Variants in SMARCA4 observed in about 807,000 individuals in gnomAD.
The protein encoded by SMARCA4 is SWI/SNF related BAF chromatin remodeling complex subunit ATPase 4.
A neutral mutation model predicts 193.9 loss-of-function variants in SMARCA4; 31 were observed. The observed-to-expected ratio is 0.16, with a 90% confidence interval of 0.12 to 0.22. The LOEUF is 0.22. SMARCA4 is among the 10% of genes least tolerant of loss of function. The pLI is 1.00. For missense variants in SMARCA4, 1,148 were observed against 2,296.0 expected, an observed-to-expected ratio of 0.50 and a Z score of 10.22; for synonymous variants, 942 against 933.1, an observed-to-expected ratio of 1.01 and a Z score of -0.17.
intron 7 of SMARCA4, 149 bp from the exon 8 acceptor site, chr19:10,991,001 C>T (rs2086509496): frequency 1.5e-6 from 2 of 1,321,594 alleles, no homozygotes; most frequent in Non-Finnish European, 2.1e-6. Context: ...GGGGCACCTG[C>T]TAGACGTCCC....
rs747067768 is a variant in SMARCA4, at chr19:10,987,950, G to A, written c.1118+26G>A. 3.7e-6 allele frequency: 6 copies of A among 1,610,566 alleles called. No individual in the cohort carries two copies. The Admixed American group carries it at 8.3e-5, about 22-fold the overall frequency. ...GTGAGGGCGGGGCCCAGTTGCCAAG[G>A]TCACTGCCCTGTGTCCCCCATGTCC... On this transcript the variant is annotated intron_variant, in intron 6 of 34. Coordinates refer to ENST00000344626, the MANE Select transcript of SMARCA4 (RefSeq NM_003072.5). The surrounding 1 kb of genome is among the most constrained non-coding windows in gnomAD (Gnocchi z 5.3).
intron 29 of SMARCA4, among the ~76,000 whole-genome samples, chr19:11,035,696 G>T (rs2075229878): frequency 6.6e-6 from 1 of 152,252 alleles, no homozygotes; most frequent in Non-Finnish European, 1.5e-5. Flanking sequence ...CCCGTTCTCA[G>T]CAGATGGCAG....
At position 10,986,952 on chromosome 19, in the gene SMARCA4, C is replaced by T. The variant is rs1599957743; in HGVS notation, c.808C>T (p.Pro270Ser). 6.2e-7 allele frequency: 1 copy of T among 1,610,906 alleles called. No individual in the cohort carries two copies. The highest frequency in any genetic ancestry group is 8.5e-7 in the Non-Finnish European group (1 of 1,179,914). Reference protein sequence around the residue: ...MPPPGPSGVPPGMPGQPPGGP... With the variant: ...MPPPGPSGVPSGMPGQPPGGP... The stretch of plus-strand genomic sequence containing the variant: ...TCCCCCAGGACCCTCGGGCGTGCCC[C>T]CCGGGATGCCAGGCCAGCCTCCTGG... The change falls in exon 5 of 35, where the codon CCC becomes TCC. Residue 270 changes from proline (P) to serine (S), a missense_variant. By Grantham distance (74) the Pro-to-Ser change is moderately conservative (BLOSUM62 -1). Around this residue, in one of 17 missense-constraint regions of SMARCA4, gnomAD observed 257 missense variants for 276.5 expected, o/e 0.93. Transcript: ENST00000344626. This position sits in a 1 kb window ranked among gnomAD's most constrained non-coding sequence, Gnocchi z 6.7.
intron 1 of SMARCA4, among the ~76,000 whole-genome samples, chr19:10,981,132 A>G (rs1293088355): frequency 6.6e-6 from 1 of 152,248 alleles, no homozygotes; most frequent in Non-Finnish European, 1.5e-5. Flanking sequence ...CACAGGATCT[A>G]TGAAGTATGT....
intron 1 of SMARCA4, among the ~76,000 whole-genome samples, chr19:10,974,666 C>CATGCATAT (rs2084953259): frequency 3.3e-5 from 1 of 30,458 alleles, no homozygotes. Flanking sequence ...GATTAACATG[C>CATGCATAT]ATATATATAT....
Position 10,985,685 on chromosome 19 carries a change from C to T in SMARCA4, c.355+280C>T, listed in dbSNP as rs567108512. Among the ~76,000 whole-genome samples, 14 of 152,204 alleles carry T rather than the reference C, an allele frequency of 9.2e-5. No individual in the cohort carries two copies. Among genetic ancestry groups the T allele is most frequent in the Non-Finnish European group, 1.9e-4 (13 of 68,028 alleles). On this transcript the variant is annotated intron_variant, in intron 3 of 34. Transcript: ENST00000344626. The surrounding 1 kb of genome is among the most constrained non-coding windows in gnomAD (Gnocchi z 4.5). ...GGCTGTGCAGGGCAGCAGCCCCGTG[C>T]CACCCAGGAACTTACTGGAAATACA...
At position 10,967,842 on chromosome 19, in the gene SMARCA4, G is replaced by A. The variant is rs914012618; in HGVS notation, c.-32+6668G>A. The stretch of plus-strand genomic sequence containing the variant: ...TGGGATTACAGGCGTGCGCCACCAT[G>A]CCCGGCTAATTTTGTATTTTTTTTT... On this transcript the variant is annotated intron_variant, in intron 1 of 34. Transcript: ENST00000344626. 7.9e-5 allele frequency among the ~76,000 whole-genome samples: 12 copies of A among 151,596 alleles called. 1 individual carries two copies. Among genetic ancestry groups the A allele is most frequent in the Non-Finnish European group, 1.0e-4 (7 of 67,908 alleles).
intron 1 of SMARCA4, among the ~76,000 whole-genome samples, chr19:10,969,370 C>A (rs1468045072): frequency 6.6e-6 from 1 of 152,204 alleles, no homozygotes; most frequent in African/African-American, 2.4e-5. Flanking sequence ...CTTCAGCCTC[C>A]CAAAGTGCTG....
In SMARCA4 at chr19:10,962,159, C is replaced by G. The variant is rs190635352; in HGVS notation, c.-32+985C>G. Among the ~76,000 whole-genome samples the G allele has an allele frequency of 5.3e-5, 8 of 152,264 alleles. No homozygotes were observed. In the South Asian group the frequency reaches 1.0e-3, roughly 20 times the overall value. ...ACTTTAGGGAAGTGGCTTAACCTCTCTGAACCTCTTAGTTTTCCTCCTTTG... is the reference window on the plus strand; with the variant it reads ...ACTTTAGGGAAGTGGCTTAACCTCTGTGAACCTCTTAGTTTTCCTCCTTTG... On this transcript the variant is annotated intron_variant, in intron 1 of 34. Coordinates refer to ENST00000344626, the MANE Select transcript of SMARCA4 (RefSeq NM_003072.5).
chr19:11,044,139 A>G (rs189594619), intron 30 of SMARCA4, among the ~76,000 whole-genome samples: 119 of 152,300 alleles, frequency 7.8e-4, no homozygotes, highest in African/African-American at 2.8e-3. Context: ...GGGTGTCTCC[A>G]TCACACTGGT....
intron 19 of SMARCA4, among the ~76,000 whole-genome samples, chr19:11,023,098 C>G (rs1413251956): frequency 6.6e-6 from 1 of 152,198 alleles, no homozygotes. Context: ...TGGCAGAGCC[C>G]TCCCTGAGAA....
rs111343580 is a variant in SMARCA4, at chr19:10,990,918, C to T, written c.1246-232C>T. On this transcript the variant is annotated intron_variant, in intron 7 of 34. Transcript: ENST00000344626. ...GTGTGTGTGGTAGAGGGGAGGCAAG[C>T]TGGAGGTCCGAGAGGACCCCCTGGA... 1.7e-3 allele frequency among the ~76,000 whole-genome samples: 259 copies of T among 152,346 alleles called. 1 individual carries two copies. The highest frequency in any genetic ancestry group is 6.8e-3 in the Middle Eastern group (2 of 294).
chr19:11,022,487 T>A (rs1299563565), intron 19 of SMARCA4, among the ~76,000 whole-genome samples: 4 of 152,210 alleles, frequency 2.6e-5, no homozygotes, highest in East Asian at 3.8e-4. Flanking sequence ...GGCAGCATCA[T>A]CATTGATGAG....
chr19:11,047,255 G>T (rs1029457412), intron 30 of SMARCA4, among the ~76,000 whole-genome samples: 8 of 152,108 alleles, frequency 5.3e-5, no homozygotes, highest in Admixed American at 5.2e-4. Context: ...GGGGCCTCTT[G>T]GGGGCCAAGG....
rs2145940255 is a variant in SMARCA4 at position 10,994,920 on chromosome 19, G to A, written c.1512G>A (p.Val504=). ...TGKIQKLTKA[V]ATYHANTERE... ...AAATCCAGAAGCTGACCAAGGCAGT[G>A]GCCACGTACCATGCCAACACGGAGC... Residue 504 remains valine (V), a synonymous_variant, in exon 9 of 35, where the codon GTG becomes GTA. Coordinates refer to ENST00000344626, the MANE Select transcript of SMARCA4 (RefSeq NM_003072.5). The A allele has an allele frequency of 6.2e-7, 1 of 1,614,124 alleles. No homozygotes were observed. The highest frequency in any genetic ancestry group is 8.5e-7 in the Non-Finnish European group (1 of 1,179,956).
rs1599996151 is a variant in SMARCA4 at position 10,989,388 on chromosome 19, G to A, written c.1190G>A (p.Arg397Gln). 2 of 1,614,152 alleles carry A rather than the reference G, an allele frequency of 1.2e-6. No homozygotes were observed. Among genetic ancestry groups the A allele is most frequent in the Non-Finnish European group, 1.7e-6 (2 of 1,180,016 alleles). The change falls in exon 7 of 35, where the codon CGA (arginine) becomes CAA (glutamine). Residue 397 changes from arginine to glutamine, a missense_variant. Physicochemically the swap from Arg to Gln is conservative, Grantham distance 43. Coordinates refer to ENST00000344626, the MANE Select transcript of SMARCA4 (RefSeq NM_003072.5). ...NLPGSLAGDLRTKATIELKAL... is the reference protein window; with the variant it reads ...NLPGSLAGDLQTKATIELKAL... ...CCCGGGTCCCTGGCCGGGGATTTGCGAACCAAAGCGACCATTGAGCTCAAG... is the reference window on the plus strand; with the variant it reads ...CCCGGGTCCCTGGCCGGGGATTTGCAAACCAAAGCGACCATTGAGCTCAAG...
At chr19:11,002,937 A>G (rs1233721210) in intron 11 of SMARCA4, 92 bp from the exon 12 acceptor site, 17 of 1,446,666 alleles carry the variant, frequency 1.2e-5, no homozygotes, top group Non-Finnish European at 1.6e-5. Flanking sequence ...TTCTGTGCAA[A>G]CAGTTGAGTG....
chr19:11,014,655 G>A lies in SMARCA4; in HGVS notation c.2438+1543G>A, dbSNP rs150959555. 2.4e-3 allele frequency among the ~76,000 whole-genome samples: 359 copies of A among 152,132 alleles called. 2 individuals carry two copies. The highest frequency in any genetic ancestry group is 8.1e-3 in the African/African-American group (335 of 41,510). On this transcript the variant is annotated intron_variant, in intron 16 of 34. Coordinates refer to ENST00000344626, the MANE Select transcript of SMARCA4 (RefSeq NM_003072.5). ...GTGGCAGTCGCCCTCTGCAGTTCCCGATTTTCCCTCCTTTCACTTACAGAC... is the reference window on the plus strand; with the variant it reads ...GTGGCAGTCGCCCTCTGCAGTTCCCAATTTTCCCTCCTTTCACTTACAGAC...
intron 1 of SMARCA4, chr19:10,961,871 T>G (rs2083835835): frequency 6.6e-6 from 1 of 152,218 alleles, no homozygotes; most frequent in Non-Finnish European, 1.5e-5. Context: ...TTTTGCATCC[T>G]TTTTTCTCCT....
Sources: allele counts gnomAD v4.1 joint callset (sites outside exome capture counted in the v4.1 genomes callset), GRCh38; gene constraint gnomAD v4.1.1; regional missense constraint gnomAD v4.1.1; non-coding constraint Gnocchi (gnomAD v3.1); transcripts MANE v1.5; gene names NCBI Gene and HGNC (gene_info 2026-07-23, HGNC 2026-07-21).